Variants in BAZ2B observed in about 807,000 individuals in gnomAD.
BAZ2B encodes the protein bromodomain adjacent to zinc finger domain protein 2B.
BAZ2B carries 91 observed loss-of-function variants against 246.0 expected under a neutral mutation model. The observed-to-expected ratio is 0.37, with a 90% CI of 0.31 to 0.44. The LOEUF (loss-of-function observed/expected upper bound fraction) is 0.44. Among genes scored for constraint, BAZ2B ranks in the 20% least tolerant of loss-of-function variants. The probability of loss-of-function intolerance (pLI) is 1.00; values close to 1 mark genes in which losing one functional copy is unlikely to be tolerated. For synonymous variants in BAZ2B, 855 were observed against 860.0 expected (o/e 0.99, Z 0.10); for missense variants, 2,332 against 2,533.7 (o/e 0.92, Z 1.71).
intron 1 of BAZ2B, among the ~76,000 whole-genome samples, chr2:159,604,951 T>TGTGTGTGTGTGC (rs137899225): frequency 6.9e-6 from 1 of 144,328 alleles, no homozygotes; most frequent in Admixed American, 7.0e-5. Context: ...TGTGTGTGTG[T>TGTGTGTGTGTGC]GCGCGTGTGT....
At chr2:159,440,536 G>C (rs1318680511) in intron 6 of BAZ2B, among the ~76,000 whole-genome samples, 1 of 117,148 alleles carries the variant, frequency 8.5e-6, no homozygotes, top group African/African-American at 3.2e-5. Flanking sequence ...TTTTTTTTTC[G>C]GGGACAGTCT....
upstream of BAZ2B, among the ~76,000 whole-genome samples, chr2:159,618,161 C>CA (rs903002787): frequency 1.3e-5 from 2 of 152,174 alleles, no homozygotes; most frequent in Admixed American, 6.5e-5. Context: ...CATTTCACTA[C>CA]ACCACACTCA....
Position 159,352,287 on chromosome 2 carries a change from G to A in BAZ2B, c.4214-1930C>T, listed in dbSNP as rs566438864. ...ATCCTTCATGTCTCAGATAATAAAC[G>A]TTATTTCCTTACGGAGATTTTCTCT... On this transcript the variant is annotated intron_variant, in intron 27 of 36. Coordinates refer to ENST00000392783, the MANE Select transcript of BAZ2B (RefSeq NM_013450.4). Among the ~76,000 whole-genome samples the A allele has an allele frequency of 2.6e-5, 4 of 152,154 alleles. No homozygotes were observed. In the South Asian group the frequency reaches 6.2e-4, roughly 24 times the overall value.
intron 18 of BAZ2B, 86 bp from the exon 19 acceptor site, chr2:159,397,475 C>A: frequency 1.2e-6 from 1 of 866,026 alleles, no homozygotes; most frequent in Non-Finnish European, 1.7e-6. Flanking sequence ...TTCTGAGATT[C>A]TATAGTTTTT....
intron 1 of BAZ2B, among the ~76,000 whole-genome samples, chr2:159,603,600 C>A (rs1006787051): frequency 1.3e-5 from 2 of 151,852 alleles, no homozygotes; most frequent in Non-Finnish European, 2.9e-5. Flanking sequence ...TCTTCATTCA[C>A]CCTGTTAAAA....
intron 1 of BAZ2B, among the ~76,000 whole-genome samples, chr2:159,578,638 C>T (rs1353106271): frequency 1.3e-5 from 2 of 152,204 alleles, no homozygotes; most frequent in Non-Finnish European, 2.9e-5. Flanking sequence ...CTCAGCAACA[C>T]ATCGCACTTA....
At chr2:159,339,890 G>C (rs369153079) in intron 31 of BAZ2B, among the ~76,000 whole-genome samples, 32 of 152,284 alleles carry the variant, frequency 2.1e-4, no homozygotes, top group African/African-American at 7.7e-4. Flanking sequence ...AGAATGTAGA[G>C]AGTAGATTGG....
At chr2:159,462,973 A>G in intron 3 of BAZ2B, 1 of 963,616 alleles carries the variant, frequency 1.0e-6, no homozygotes, top group Admixed American at 1.8e-5. Context: ...AATGTAAAGG[A>G]AATTTTGTTT....
the BAZ2B span, among the ~76,000 whole-genome samples, chr2:159,688,786 A>G: frequency 6.6e-6 from 1 of 152,280 alleles, no homozygotes; most frequent in Non-Finnish European, 1.5e-5. Flanking sequence ...ATTTTGTGAA[A>G]TGTCCCTCAA....
the BAZ2B span, among the ~76,000 whole-genome samples, chr2:159,659,684 T>C: frequency 2.0e-5 from 3 of 152,186 alleles, no homozygotes; most frequent in Non-Finnish European, 4.4e-5. Context: ...CGTAGGGGTA[T>C]AGGAACAGCT....
the BAZ2B span, among the ~76,000 whole-genome samples, chr2:159,641,276 T>C: frequency 6.6e-6 from 1 of 152,218 alleles, no homozygotes; most frequent in Non-Finnish European, 1.5e-5. Context: ...CTGGTGTTAG[T>C]ATCTCATTGC....
chr2:159,354,945 A>G (rs1387317786), intron 27 of BAZ2B, among the ~76,000 whole-genome samples: 1 of 152,242 alleles, frequency 6.6e-6, no homozygotes, highest in East Asian at 1.9e-4. Context: ...TGCTAAAAGT[A>G]GCAAAGTTTG....
chr2:159,646,540 G>A, the BAZ2B span, among the ~76,000 whole-genome samples: 2 of 152,116 alleles, frequency 1.3e-5, no homozygotes, highest in Non-Finnish European at 2.9e-5. Context: ...GAAGTGATAA[G>A]TATCCATGAA....
intron 3 of BAZ2B, chr2:159,463,312 G>T: frequency 3.4e-6 from 1 of 298,412 alleles, no homozygotes; most frequent in Non-Finnish European, 6.7e-6. Context: ...ATTCCTTAAC[G>T]TGTCTATTGT....
At chr2:159,647,220 T>G in the BAZ2B span, among the ~76,000 whole-genome samples, 2 of 152,170 alleles carry the variant, frequency 1.3e-5, no homozygotes, top group Non-Finnish European at 2.9e-5. Flanking sequence ...CATACAATTA[T>G]GTATTAGTCC....
rs1474851131 is a variant in BAZ2B at position 159,433,176 on chromosome 2, G to T, written c.1481C>A (p.Pro494Gln). Residue 494 changes from proline (P) to glutamine (Q), a missense_variant, in exon 9 of 37, where the codon CCA (proline) becomes CAA (glutamine). Physicochemically the swap from Pro to Gln is moderately conservative, Grantham distance 76. This residue lies in a region of BAZ2B where 651 missense variants were observed against 650.9 expected (regional missense o/e 1.00). Coordinates refer to ENST00000392783, the MANE Select transcript of BAZ2B (RefSeq NM_013450.4). Reference sequence around the variant, plus strand: ...AATGACACTTTGAATAACTCCATTTGGTTGGTGATTACCTAAAAGTGCATT... The same window carrying T: ...AATGACACTTTGAATAACTCCATTTTGTTGGTGATTACCTAAAAGTGCATT... Reference protein sequence around the residue: ...LTNALLGNHQPNGVIQSVIQE... With the variant: ...LTNALLGNHQQNGVIQSVIQE... The T allele has an allele frequency of 3.1e-6, 5 of 1,614,142 alleles. No homozygotes were observed. The highest frequency in any genetic ancestry group is 4.2e-6 in the Non-Finnish European group (5 of 1,180,004).
intron 13 of BAZ2B, among the ~76,000 whole-genome samples, chr2:159,415,493 C>T (rs939120991): frequency 5.3e-5 from 8 of 150,224 alleles, no homozygotes; most frequent in African/African-American, 2.0e-4. Flanking sequence ...ATGTATCCTG[C>T]ATGTGTCAAT....
At chr2:159,519,670 C>CTTTTTT (rs1156978730) in intron 2 of BAZ2B, among the ~76,000 whole-genome samples, 2 of 98,270 alleles carry the variant, frequency 2.0e-5, no homozygotes, top group East Asian at 3.2e-4. Flanking sequence ...GACCTTTCTT[C>CTTTTTT]TTTTTTTTTT....
chr2:159,535,081 G>T (rs1381428408), intron 2 of BAZ2B, among the ~76,000 whole-genome samples: 1 of 143,582 alleles, frequency 7.0e-6, no homozygotes, highest in Non-Finnish European at 1.5e-5. Flanking sequence ...TAATTTTTCA[G>T]TACTTACTAT....
Sources: gnomAD v4.1 joint callset for allele counts (sites outside exome capture counted in the v4.1 genomes callset) on GRCh38, gnomAD v4.1.1 for gene constraint, gnomAD v4.1.1 regional missense constraint, MANE v1.5 for transcripts, NCBI Gene and HGNC (gene_info 2026-07-23, HGNC 2026-07-21) for gene names.